Variants in DDX10 observed in about 807,000 individuals in gnomAD.
DDX10 encodes probable ATP-dependent RNA helicase DDX10.
In DDX10, 74 loss-of-function variants were observed where a neutral mutation model predicts 104.3. The observed-to-expected ratio is 0.71, with a 90% confidence interval of 0.59 to 0.86. The LOEUF (loss-of-function observed/expected upper bound fraction) is 0.86. Among genes scored for constraint, DDX10 ranks in the 40% least tolerant of loss-of-function variants. DDX10 has a pLI of 0.00. For synonymous variants in DDX10, 351 were observed against 353.4 expected (o/e 0.99, Z 0.08); for missense variants, 952 against 1,040.0 (o/e 0.92, Z 1.16).
chr11:108,701,675 C>CTTTTTTTTTTTTTTTTTTTTT (rs55916940), intron 9 of DDX10, among the ~76,000 whole-genome samples: 6 of 77,420 alleles, frequency 7.7e-5, no homozygotes, highest in East Asian at 4.4e-4. Flanking sequence ...TTCTTCTTCT[C>CTTTTTTTTTTTTTTTTTTTTT]TTTTTTTTTT....
At chr11:108,718,609 C>T (rs188011203) in intron 11 of DDX10, among the ~76,000 whole-genome samples, 19 of 152,302 alleles carry the variant, frequency 1.2e-4, no homozygotes, top group African/African-American at 4.3e-4. Flanking sequence ...CTGGTTTGTG[C>T]ATACAACGGA....
chr11:108,736,296 TGTG>T (rs1191776154), intron 13 of DDX10, among the ~76,000 whole-genome samples: 6 of 152,070 alleles, frequency 3.9e-5, no homozygotes, highest in South Asian at 2.1e-4. Context: ...TATACAGTGT[TGTG>T]GTGTGTTTTT....
At chr11:108,682,185 G>C (rs900361213) in intron 6 of DDX10, among the ~76,000 whole-genome samples, 3 of 151,974 alleles carry the variant, frequency 2.0e-5, no homozygotes, top group African/African-American at 7.3e-5. Flanking sequence ...GGTCACTGCA[G>C]CCTCTGCCTC....
chr11:108,821,647 C>T (rs1408915341), intron 13 of DDX10, among the ~76,000 whole-genome samples: 2 of 151,864 alleles, frequency 1.3e-5, no homozygotes, highest in Non-Finnish European at 2.9e-5. Context: ...GTCAGTTGCT[C>T]TACTTTTGAA....
At chr11:108,905,387 G>T (rs201242021) in intron 16 of DDX10, among the ~76,000 whole-genome samples, 20 of 150,246 alleles carry the variant, frequency 1.3e-4, no homozygotes, top group African/African-American at 4.7e-4. Context: ...TTTATAGTAC[G>T]TCTTTATATT....
Position 108,771,234 on chromosome 11 carries a change from G to A in DDX10, c.1965+47772G>A, listed in dbSNP as rs911234455. On this transcript the variant is annotated intron_variant, in intron 13 of 17. Transcript: ENST00000322536. ...TTTCCTATAGAGTTCTTTCAGCTCC[G>A]TCTATATTCTGGTTATTAATCCTTT... Among the ~76,000 whole-genome samples, 14 of 152,082 alleles carry A rather than the reference G, an allele frequency of 9.2e-5. No individual in the cohort carries two copies. In the South Asian group the frequency reaches 2.3e-3, roughly 25 times the overall value.
intron 13 of DDX10, among the ~76,000 whole-genome samples, chr11:108,837,803 A>G (rs146656931): frequency 0.013 from 2,000 of 151,232 alleles, 140 homozygotes; most frequent in Admixed American, 0.12. Context: ...TTTTATTTTT[A>G]GTAGAGATGG....
chr11:108,905,473 A>G (rs1863584300), intron 16 of DDX10, among the ~76,000 whole-genome samples: 1 of 152,090 alleles, frequency 6.6e-6, no homozygotes. Context: ...CAATTTACAT[A>G]CAGTACAATT....
At chr11:108,745,046 C>CTTCCCCT (rs2094329688) in intron 13 of DDX10, among the ~76,000 whole-genome samples, 1 of 109,698 alleles carries the variant, frequency 9.1e-6, no homozygotes, top group South Asian at 3.9e-4. Context: ...TTCCTTCCCC[C>CTTCCCCT]TTCCCCCTTC....
intron 13 of DDX10, among the ~76,000 whole-genome samples, chr11:108,778,472 G>T (rs1369466501): frequency 6.6e-6 from 1 of 152,186 alleles, no homozygotes; most frequent in East Asian, 1.9e-4. Flanking sequence ...AAATGGTGCT[G>T]GGAAAACTGG....
At chr11:108,843,312 C>T (rs1444755670) in intron 15 of DDX10, among the ~76,000 whole-genome samples, 2 of 151,472 alleles carry the variant, frequency 1.3e-5, no homozygotes, top group Admixed American at 1.3e-4. Flanking sequence ...GTACGTGGGT[C>T]CCTCCATCTT....
At chr11:108,889,401 T>C (rs1863344759) in intron 16 of DDX10, among the ~76,000 whole-genome samples, 1 of 152,198 alleles carries the variant, frequency 6.6e-6, no homozygotes, top group South Asian at 2.1e-4. Context: ...TAAACATTAT[T>C]CTTTTTTTGT....
chr11:108,755,918 T>C (rs1299235673), intron 13 of DDX10, among the ~76,000 whole-genome samples: 1 of 151,974 alleles, frequency 6.6e-6, no homozygotes, highest in Non-Finnish European at 1.5e-5. Context: ...TATTAGGTGT[T>C]ATAACTTGAG....
intron 17 of DDX10, among the ~76,000 whole-genome samples, chr11:108,936,235 G>C (rs546351234): frequency 1.3e-5 from 2 of 152,110 alleles, no homozygotes; most frequent in Non-Finnish European, 2.9e-5. Flanking sequence ...TTTTTTCTCT[G>C]TTGTATGATA....
intron 17 of DDX10, among the ~76,000 whole-genome samples, chr11:108,923,377 A>G (rs1285767103): frequency 2.0e-5 from 3 of 152,202 alleles, no homozygotes; most frequent in Non-Finnish European, 4.4e-5. Flanking sequence ...AAGTTACACC[A>G]TGTTCAAAAT....
chr11:108,877,617 C>T (rs923653157), intron 16 of DDX10, among the ~76,000 whole-genome samples: 1 of 152,086 alleles, frequency 6.6e-6, no homozygotes, highest in Non-Finnish European at 1.5e-5. Context: ...TTGGAGGATG[C>T]GGGGTGCCTT....
intron 17 of DDX10, among the ~76,000 whole-genome samples, chr11:108,931,497 A>G (rs1257893044): frequency 6.6e-6 from 1 of 152,202 alleles, no homozygotes; most frequent in Non-Finnish European, 1.5e-5. Flanking sequence ...CAGTGCTTGA[A>G]TCACTGTTAA....
intron 16 of DDX10, among the ~76,000 whole-genome samples, chr11:108,905,116 A>G (rs1021451543): frequency 2.6e-4 from 40 of 152,046 alleles, no homozygotes; most frequent in Admixed American, 1.2e-3. Context: ...TGTGTTATGT[A>G]TATTTACTTT....
intron 15 of DDX10, among the ~76,000 whole-genome samples, chr11:108,850,225 T>G (rs1006403619): frequency 6.6e-6 from 1 of 152,160 alleles, no homozygotes; most frequent in Admixed American, 6.5e-5. Flanking sequence ...AAGGGAAAAT[T>G]ATCTCATTTG....
Sources: allele counts gnomAD v4.1 joint callset (sites outside exome capture counted in the v4.1 genomes callset), GRCh38; gene constraint gnomAD v4.1.1; transcripts MANE v1.5; gene names NCBI Gene and HGNC (gene_info 2026-07-23, HGNC 2026-07-21).